Variants in EPHA8 observed in about 807,000 individuals in gnomAD.
EPHA8 encodes ephrin type-A receptor 8.
A neutral mutation model predicts 103.6 loss-of-function variants in EPHA8; 58 were observed. That is an observed-to-expected ratio of 0.56 (90% CI 0.45 to 0.70). The LOEUF (loss-of-function observed/expected upper bound fraction) is 0.70, where lower values mean the gene tolerates loss of function less well. Among genes scored for constraint, EPHA8 ranks in the 30% least tolerant of loss-of-function variants. EPHA8 has a pLI of 0.00. For synonymous variants in EPHA8, 559 were observed against 572.5 expected (o/e 0.98, Z 0.34); for missense variants, 1,304 against 1,395.2 (o/e 0.93, Z 1.04).
chr1:22,564,304 G>GT (rs1053938998), intron 1 of EPHA8, among the ~76,000 whole-genome samples: 1 of 151,568 alleles, frequency 6.6e-6, no homozygotes, highest in African/African-American at 2.4e-5. Context: ...CGGAATGAGA[G>GT]TCTGGGAGAG....
rs1318302153 is a variant in EPHA8 at position 22,579,446 on chromosome 1, GTGTA to G, written c.823+2570_823+2573del. On this transcript the variant is annotated intron_variant, in intron 3 of 16. Transcript: ENST00000166244. The stretch of plus-strand genomic sequence containing the variant: ...TGCATGTGTTTGCATGTGTGCATGA[GTGTA>G]TGTGTGCATGCGTGCATGCATGTAT... Among the ~76,000 whole-genome samples, 7 of 152,006 alleles carry G rather than the reference GTGTA, an allele frequency of 4.6e-5. No homozygotes were observed. In the East Asian group the frequency reaches 1.2e-3, roughly 25 times the overall value.
In EPHA8 at chr1:22,597,469, C is replaced by A. The variant is rs761435838; in HGVS notation, c.1923C>A (p.Ile641=). Residue 641 remains isoleucine (I), a synonymous_variant, in exon 10 of 17, where the codon ATC becomes ATA. Transcript: ENST00000166244. This position sits in a 1 kb window ranked among gnomAD's most constrained non-coding sequence, Gnocchi z 4.6. ...CTAGGATCCACATCGAGAAAATCAT[C>A]GGCTCTGGTGAGTCTCAGGGGTTGT... The part of the protein sequence containing the change: ...EASRIHIEKI[I]GSGDSGEVCY... 6.2e-7 allele frequency: 1 copy of A among 1,612,902 alleles called. No homozygotes were observed. The highest frequency in any genetic ancestry group is 1.7e-5 in the Admixed American group (1 of 59,974).
chr1:22,577,939 ATG>A lies in EPHA8; in HGVS notation c.823+1064_823+1065del, dbSNP rs1170980499. ...CGTGAGTGTATGTGTGCGTGAGTGT[ATG>A]TGTGCGAGTGTATGCATGTGTGTGC... is the stretch of plus-strand genomic sequence containing the variant. On this transcript the variant is annotated intron_variant, in intron 3 of 16. Transcript: ENST00000166244. Among the ~76,000 whole-genome samples, 4 of 5,462 alleles carry A rather than the reference ATG, an allele frequency of 7.3e-4. 1 individual carries two copies. The highest frequency in any genetic ancestry group is 3.2e-3 in the African/African-American group (4 of 1,264). 3.6% of individuals were successfully genotyped at this position (5,462 alleles called of 152,430 possible).
intron 13 of EPHA8, among the ~76,000 whole-genome samples, chr1:22,600,067 TGGAGGGAGGAAGGAAGGGAGGGAG>T (rs1641668277): frequency 2.2e-5 from 1 of 45,808 alleles, no homozygotes; most frequent in Non-Finnish European, 4.8e-5. Context: ...GAAGGGGGGA[TGGAGGGAGGAAGGAAGGGAGGGAG>T]GGAGGAAGGA....
chr1:22,571,994 C>G (rs1640555423), intron 2 of EPHA8, among the ~76,000 whole-genome samples: 1 of 152,056 alleles, frequency 6.6e-6, no homozygotes, highest in Non-Finnish European at 1.5e-5. Context: ...CCACTGTACT[C>G]CAGCCTGGGT....
intron 13 of EPHA8, among the ~76,000 whole-genome samples, chr1:22,600,139 GAGGAGGGAGGGAGGGA>G (rs1023905297): frequency 9.6e-6 from 1 of 103,664 alleles, no homozygotes; most frequent in African/African-American, 3.6e-5. Context: ...GAGAAGGAAG[GAGGAGGGAGGGAGGGA>G]AGGAGGGAGG....
At chr1:22,579,084 CGTGCATGTGTGCATGTGTATGT>C (rs796705091) in intron 3 of EPHA8, among the ~76,000 whole-genome samples, 9,851 of 100,778 alleles carry the variant, frequency 0.098, 1,074 homozygotes, top group African/African-American at 0.31. Flanking sequence ...TGCATGTGTA[CGTGCATGTGTGCATGTGTATGT>C]GTGCATGTGT....
intron 1 of EPHA8, among the ~76,000 whole-genome samples, chr1:22,564,663 C>A (rs972953378): frequency 1.3e-5 from 2 of 152,034 alleles, no homozygotes; most frequent in Non-Finnish European, 2.9e-5. Flanking sequence ...GCCACCCACA[C>A]ACCCGTTAGC....
Position 22,586,540 on chromosome 1 carries a change from C to T in EPHA8, c.884C>T (p.Pro295Leu). Residue 295 changes from proline (P) to leucine (L), a missense_variant, in exon 4 of 17, where the codon CCC becomes CTC. Transcript: ENST00000166244. ...PGDQLCARCP[P>L]HSHSAAPAAQ... ...GACCAGCTGTGTGCCCGCTGCCCTC[C>T]CCACAGCCACTCCGCAGCTCCAGCC... 6.2e-7 allele frequency: 1 copy of T among 1,613,830 alleles called. No individual in the cohort carries two copies. The highest frequency in any genetic ancestry group is 8.5e-7 in the Non-Finnish European group (1 of 1,179,958).
intron 13 of EPHA8, among the ~76,000 whole-genome samples, chr1:22,600,269 A>G (rs1641684744): frequency 7.0e-6 from 1 of 143,068 alleles, no homozygotes; most frequent in African/African-American, 2.6e-5. Context: ...GGAAGAAGGG[A>G]AGGAAGGAAG....
At chr1:22,586,255 C>G (rs968679843) in intron 3 of EPHA8, among the ~76,000 whole-genome samples, 5 of 152,134 alleles carry the variant, frequency 3.3e-5, no homozygotes, top group African/African-American at 1.2e-4. Flanking sequence ...GGGTCTGAAC[C>G]TCAGCTCTGC....
In EPHA8 at chr1:22,567,894, T is replaced by G. The variant is rs1454678899; in HGVS notation, c.95-1395T>G. Among the ~76,000 whole-genome samples, 1 of 152,114 alleles carries G rather than the reference T, an allele frequency of 6.6e-6. No homozygotes were observed. The highest frequency in any genetic ancestry group is 1.5e-5 in the Non-Finnish European group (1 of 68,038). ...GAAGGCAGAGTGAAAGGGAAAGCTG[T>G]GGGACTCTGGAGCCAAAAGCCCTCT... On this transcript the variant is annotated intron_variant, in intron 1 of 16. Coordinates refer to ENST00000166244, the MANE Select transcript of EPHA8 (RefSeq NM_020526.5). This position sits in a 1 kb window ranked among gnomAD's most constrained non-coding sequence, Gnocchi z 4.2.
chr1:22,572,216 G>A (rs1285745767), intron 2 of EPHA8, among the ~76,000 whole-genome samples: 1 of 152,192 alleles, frequency 6.6e-6, no homozygotes, highest in South Asian at 2.1e-4. Context: ...TCAGACAGGT[G>A]CAGAGCCTGA....
chr1:22,601,275 C>T (rs1641719039), intron 15 of EPHA8, 25 bp from the exon 16 acceptor site: 3 of 1,583,388 alleles, frequency 1.9e-6, no homozygotes, highest in East Asian at 2.2e-5. Flanking sequence ...CCTCTGGCCA[C>T]TTACCAAGAG....
chr1:22,601,753 CA>C lies in EPHA8; in HGVS notation c.*13del. The C allele has an allele frequency of 6.4e-7, 1 of 1,551,610 alleles. No individual in the cohort carries two copies. Among genetic ancestry groups the C allele is most frequent in the Non-Finnish European group, 8.7e-7 (1 of 1,148,008 alleles). The stretch of plus-strand genomic sequence containing the variant: ...GCCGGCACCTCTGATGTACAGCCAG[CA>C]GGGCCCAGGCAGCCACCAAGCCCAC... On this transcript the variant is annotated 3_prime_UTR_variant, in exon 17 of 17. Coordinates refer to ENST00000166244, the MANE Select transcript of EPHA8 (RefSeq NM_020526.5).
rs765524317 is a variant in EPHA8, at chr1:22,589,052, C to G, written c.1161C>G (p.Pro387=). 22 of 1,612,806 alleles carry G rather than the reference C, an allele frequency of 1.4e-5. No individual in the cohort carries two copies. Among genetic ancestry groups the G allele is most frequent in the Middle Eastern group, 1.6e-4 (1 of 6,082 alleles). ...GTGGGAGCGGCACCCGCTTTGTGCC[C>G]CAGCAGACAAGCCTGGTGCAGGCCA... The part of the protein sequence containing the change: ...EACGSGTRFV[P]QQTSLVQASL... The change falls in exon 5 of 17, where the codon CCC becomes CCG. Residue 387 remains proline, a synonymous_variant. Coordinates refer to ENST00000166244, the MANE Select transcript of EPHA8 (RefSeq NM_020526.5). The surrounding 1 kb of genome is among the most constrained non-coding windows in gnomAD (Gnocchi z 4.3).
At chr1:22,566,450 T>A (rs1019893254) in intron 1 of EPHA8, among the ~76,000 whole-genome samples, 11 of 151,914 alleles carry the variant, frequency 7.2e-5, no homozygotes, top group African/African-American at 2.7e-4. Context: ...GGCTTAGGAG[T>A]TATCTGTGCT....
chr1:22,595,967 G>A, intron 8 of EPHA8, 139 bp from the exon 9 acceptor site: 1 of 700,404 alleles, frequency 1.4e-6, no homozygotes, highest in Non-Finnish European at 2.4e-6. Flanking sequence ...ACTCTCCCCT[G>A]CAGACTTTGT....
chr1:22,564,841 C>T (rs1640311126), intron 1 of EPHA8, among the ~76,000 whole-genome samples: 1 of 152,106 alleles, frequency 6.6e-6, no homozygotes, highest in Non-Finnish European at 1.5e-5. Flanking sequence ...AGAGCTGGGT[C>T]CTCACCCTGC....
Sources: gnomAD v4.1 joint callset for allele counts (sites outside exome capture counted in the v4.1 genomes callset) on GRCh38, gnomAD v4.1.1 for gene constraint, Gnocchi (gnomAD v3.1) non-coding constraint, MANE v1.5 for transcripts, NCBI Gene and HGNC (gene_info 2026-07-23, HGNC 2026-07-21) for gene names.